DSC3: variants seen among roughly 807,000 people sequenced by gnomAD.
DSC3 encodes desmocollin-3.
Under a neutral mutation model 89.5 loss-of-function variants are expected in DSC3, and 97 were observed. That is an observed-to-expected ratio of 1.08 (90% confidence interval 0.92 to 1.28). The LOEUF is 1.28. DSC3 is among the 50% of genes most tolerant of loss of function. The probability of loss-of-function intolerance (pLI) is 0.00; values close to 1 mark genes in which losing one functional copy is unlikely to be tolerated. For synonymous variants in DSC3, 436 were observed against 384.1 expected (o/e 1.14, Z -1.58); for missense variants, 1,199 against 1,085.3 (o/e 1.10, Z -1.47).
intron 4 of DSC3, among the ~76,000 whole-genome samples, chr18:31,026,362 G>A (rs1297021294): frequency 1.3e-5 from 2 of 152,034 alleles, no homozygotes; most frequent in Non-Finnish European, 2.9e-5. Context: ...CTTTTCCTTG[G>A]AGTCTAATGG....
At chr18:31,020,496 A>G (rs1446928517) in intron 7 of DSC3, among the ~76,000 whole-genome samples, 1 of 152,180 alleles carries the variant, frequency 6.6e-6, no homozygotes, top group Non-Finnish European at 1.5e-5. Context: ...AATTGAAGTC[A>G]TTAATTTGTG....
At chr18:31,028,355 C>G (rs189083879) in intron 4 of DSC3, among the ~76,000 whole-genome samples, 1 of 152,142 alleles carries the variant, frequency 6.6e-6, no homozygotes, top group African/African-American at 2.4e-5. Flanking sequence ...TGAGCTATGT[C>G]AAATGTAAAT....
intron 9 of DSC3, among the ~76,000 whole-genome samples, chr18:31,011,764 G>T (rs578180315): frequency 6.6e-6 from 1 of 151,784 alleles, no homozygotes; most frequent in East Asian, 1.9e-4. Flanking sequence ...AGGCCAAGGC[G>T]GGCGGATTGC....
At chr18:31,025,184 T>C (rs116175414) in intron 5 of DSC3, among the ~76,000 whole-genome samples, 155 of 152,318 alleles carry the variant, frequency 1.0e-3, no homozygotes, top group African/African-American at 3.6e-3. Flanking sequence ...GAATGACACA[T>C]GACCTCACAG....
chr18:31,024,282 C>A, intron 6 of DSC3, 67 bp downstream of exon 6: 1 of 1,446,512 alleles, frequency 6.9e-7, no homozygotes, highest in Non-Finnish European at 9.2e-7. Context: ...ATAAAAAGCT[C>A]TATGTCTTTT....
chr18:30,997,971 G>A (rs755894441), intron 14 of DSC3, among the ~76,000 whole-genome samples: 72 of 152,134 alleles, frequency 4.7e-4, no homozygotes, highest in Non-Finnish European at 4.6e-4. Flanking sequence ...GGGGGAGTTA[G>A]AAAGGTTATA....
At position 31,032,232 on chromosome 18, in the gene DSC3, A is replaced by T. The variant is rs775716023; in HGVS notation, c.114T>A (p.Asn38Lys). 2.9e-5 allele frequency: 47 copies of T among 1,613,888 alleles called. 2 individuals are homozygous for T. The South Asian group carries it at 4.6e-4, about 16-fold the overall frequency. Residue 38 changes from asparagine (N) to lysine (K), a missense_variant, in exon 2 of 16, where the codon AAT (asparagine) becomes AAA (lysine). Coordinates refer to ENST00000360428, the MANE Select transcript of DSC3 (RefSeq NM_001941.5). ...AGEACKKVIL[N>K]VPSKLEADKI... ...TGTCTGCCTCTAGTTTAGAAGGTAC[A>T]TTAAGTATCACCTTTTTGCAGGCTT...
chr18:31,024,018 C>G (rs758762039), intron 6 of DSC3, among the ~76,000 whole-genome samples: 3 of 152,028 alleles, frequency 2.0e-5, no homozygotes, highest in Non-Finnish European at 4.4e-5. Context: ...TTCATTCCAC[C>G]CTGCATGTCC....
intron 1 of DSC3, 122 bp from the exon 2 acceptor site, chr18:31,032,398 C>A (rs897039148): frequency 1.3e-5 from 10 of 748,736 alleles, no homozygotes; most frequent in Middle Eastern, 3.7e-4. Context: ...TAAACCCCAG[C>A]AAACTAGGAA....
intron 4 of DSC3, among the ~76,000 whole-genome samples, chr18:31,027,923 A>G (rs1454871435): frequency 6.6e-6 from 1 of 152,106 alleles, no homozygotes; most frequent in Non-Finnish European, 1.5e-5. Flanking sequence ...ATGCCCAGAG[A>G]GTCAGAATGA....
rs763560660 is a variant in DSC3, at chr18:31,029,619, T to C, written c.364A>G (p.Thr122Ala). The C allele has an allele frequency of 6.2e-7, 1 of 1,613,766 alleles. No individual in the cohort carries two copies. Among genetic ancestry groups the C allele is most frequent in the Non-Finnish European group, 8.5e-7 (1 of 1,179,652 alleles). Residue 122 changes from threonine (T) to alanine (A), a missense_variant, in exon 4 of 16, where the codon ACA (threonine) becomes GCA (alanine). Physicochemically the swap from Thr to Ala is moderately conservative, Grantham distance 58. Transcript: ENST00000360428. ...AGAACAGTTTCTCTAGTGTGTCTTG[T>C]CTTCGATACCTGAATTTAGAGAAAA... ...LLEHQKKVSK[T>A]RHTRETVLRR...
At chr18:31,030,131 A>T (rs1985731657) in intron 3 of DSC3, among the ~76,000 whole-genome samples, 1 of 152,170 alleles carries the variant, frequency 6.6e-6, no homozygotes, top group South Asian at 2.1e-4. Flanking sequence ...ACTGACACTA[A>T]ATAACATAAG....
intron 15 of DSC3, among the ~76,000 whole-genome samples, chr18:30,995,997 A>AAGAAAG (rs1984448501): frequency 5.1e-5 from 6 of 117,638 alleles, no homozygotes; most frequent in African/African-American, 2.4e-4. Flanking sequence ...AAAAAAAAAA[A>AAGAAAG]AAGAAAAGAA....
intron 15 of DSC3, among the ~76,000 whole-genome samples, chr18:30,995,368 A>G (rs1375716166): frequency 6.6e-6 from 1 of 152,220 alleles, no homozygotes; most frequent in Non-Finnish European, 1.5e-5. Flanking sequence ...AAAAGAATTA[A>G]CACTTGAATT....
chr18:30,995,959 A>G, intron 15 of DSC3, among the ~76,000 whole-genome samples: 1 of 126,136 alleles, frequency 7.9e-6, no homozygotes, highest in Non-Finnish European at 1.6e-5. Context: ...GCGACAGAGC[A>G]AGACCCTGCC....
chr18:31,032,569 TGTGTGTGTGTGTGTGTGTGTGCGTGTGC>T (rs1445233611), intron 1 of DSC3, among the ~76,000 whole-genome samples: 5 of 128,454 alleles, frequency 3.9e-5, no homozygotes, highest in South Asian at 2.7e-4. Context: ...TGTGTGTGTG[TGTGTGTGTGTGTGTGTGTGTGCGTGTGC>T]GTGTGCGTGT....
At chr18:31,008,670 A>T (rs1341981407) in intron 9 of DSC3, 145 bp from the exon 10 acceptor site, 6 of 1,095,892 alleles carry the variant, frequency 5.5e-6, no homozygotes, top group Non-Finnish European at 8.0e-6. Context: ...CCCTTGCTAA[A>T]CAGAGAGTGG....
intron 1 of DSC3, among the ~76,000 whole-genome samples, chr18:31,039,866 T>G (rs1390652024): frequency 6.6e-6 from 1 of 152,194 alleles, no homozygotes; most frequent in Non-Finnish European, 1.5e-5. Context: ...ATACGTATAC[T>G]ATAATTTTGA....
intron 4 of DSC3, 49 bp downstream of exon 4, chr18:31,029,460 C>T: frequency 6.2e-7 from 1 of 1,608,846 alleles, no homozygotes; most frequent in Non-Finnish European, 8.5e-7. Flanking sequence ...CTCAATGAAA[C>T]AGACTCTTAG....
Sources: gnomAD v4.1 joint callset for allele counts (sites outside exome capture counted in the v4.1 genomes callset) on GRCh38, gnomAD v4.1.1 for gene constraint, MANE v1.5 for transcripts, NCBI Gene and HGNC (gene_info 2026-07-23, HGNC 2026-07-21) for gene names.